The following TTLL9 variants were observed in gnomAD, a reference collection of about 807,000 sequenced individuals.
The protein encoded by TTLL9 is tubulin tyrosine ligase like 9.
A neutral mutation model predicts 65.6 loss-of-function variants in TTLL9; 47 were observed. That is an observed-to-expected ratio of 0.72 (90% confidence interval 0.57 to 0.91). The LOEUF (loss-of-function observed/expected upper bound fraction) is 0.91, where lower values mean the gene tolerates loss of function less well. Among genes scored for constraint, TTLL9 ranks in the 40% least tolerant of loss-of-function variants. The pLI, the probability that TTLL9 is intolerant of heterozygous loss-of-function variation, is 0.00. For synonymous variants in TTLL9, 179 were observed against 204.8 expected (o/e 0.87, Z 1.07); for missense variants, 537 against 568.8 (o/e 0.94, Z 0.57).
chr20:31,896,613 T>A (rs1465579210), intron 3 of TTLL9, among the ~76,000 whole-genome samples: 1 of 152,060 alleles, frequency 6.6e-6, no homozygotes, highest in Non-Finnish European at 1.5e-5. Context: ...CACTGCAACC[T>A]CTGCCTCCCC....
intron 4 of TTLL9, among the ~76,000 whole-genome samples, chr20:31,905,771 C>T (rs1381393169): frequency 1.7e-4 from 26 of 152,218 alleles, no homozygotes; most frequent in African/African-American, 4.8e-4. Flanking sequence ...CGGTGGCTCA[C>T]GCCTATAATC....
intron 3 of TTLL9, among the ~76,000 whole-genome samples, chr20:31,896,116 A>G (rs76279400): frequency 0.087 from 13,308 of 152,228 alleles, 791 homozygotes; most frequent in African/African-American, 0.16. Flanking sequence ...CTATGATTAC[A>G]GGCATGAGCC....
chr20:31,919,022 G>A (rs2063777441), intron 6 of TTLL9, among the ~76,000 whole-genome samples: 1 of 152,206 alleles, frequency 6.6e-6, no homozygotes, highest in Non-Finnish European at 1.5e-5. Flanking sequence ...GCTCAGAGGA[G>A]AACAGAAGGA....
At chr20:31,922,909 A>G (rs992294949) in intron 7 of TTLL9, 54 bp from the exon 8 acceptor site, 8 of 1,456,284 alleles carry the variant, frequency 5.5e-6, no homozygotes, top group African/African-American at 1.4e-5. Flanking sequence ...AATACCTAGT[A>G]CACAGGAAAT....
intron 6 of TTLL9, among the ~76,000 whole-genome samples, chr20:31,915,882 C>T (rs928536418): frequency 3.9e-5 from 6 of 152,018 alleles, no homozygotes; most frequent in Non-Finnish European, 5.9e-5. Flanking sequence ...GCTCGTATTC[C>T]GGTTATCTAT....
In TTLL9 at chr20:31,899,865, C is replaced by T. The variant is rs187945405; in HGVS notation, c.206+1300C>T. 5.9e-5 allele frequency among the ~76,000 whole-genome samples: 9 copies of T among 152,000 alleles called. No individual in the cohort carries two copies. The East Asian group carries it at 1.8e-3, about 30-fold the overall frequency. On this transcript the variant is annotated intron_variant, in intron 4 of 14. Coordinates refer to ENST00000535842, the MANE Select transcript of TTLL9 (RefSeq NM_001008409.5). ...CTGCAAGCTCCACCTCCCAGGTTCA[C>T]GCCATTCTCCTGCCTCAGCCTCCCG... is the stretch of plus-strand genomic sequence containing the variant.
At position 31,937,601 on chromosome 20, in the gene TTLL9, A is replaced by C. The variant is rs1418323177; in HGVS notation, c.1118+92A>C. ...GGGGAGCTTAGAACCTTGGGGCCTG[A>C]GTGGCCCTCAGCGATGGCTCTGGCC... On this transcript the variant is annotated intron_variant, in intron 13 of 14. Transcript: ENST00000535842. 4.1e-6 allele frequency: 4 copies of C among 980,420 alleles called. No individual in the cohort carries two copies. In the East Asian group the frequency reaches 1.1e-4, roughly 26 times the overall value. 60.7% of individuals were successfully genotyped at this position (980,420 alleles called of 1,614,324 possible).
At chr20:31,921,682 A>G (rs560209943) in intron 7 of TTLL9, among the ~76,000 whole-genome samples, 41 of 152,346 alleles carry the variant, frequency 2.7e-4, no homozygotes, top group Admixed American at 8.5e-4. Context: ...AGGGACATGG[A>G]TGAAGCTGGA....
At chr20:31,912,460 C>A (rs2063669785) in intron 6 of TTLL9, among the ~76,000 whole-genome samples, 1 of 152,144 alleles carries the variant, frequency 6.6e-6, no homozygotes, top group Admixed American at 6.5e-5. Flanking sequence ...AGAGCTTGTT[C>A]AAGCATCCCA....
intron 6 of TTLL9, among the ~76,000 whole-genome samples, chr20:31,912,590 T>C (rs951217285): frequency 1.4e-5 from 2 of 144,774 alleles, no homozygotes; most frequent in Non-Finnish European, 3.0e-5. Flanking sequence ...TGTGTGTGTG[T>C]GCGTGTATGT....
intron 3 of TTLL9, among the ~76,000 whole-genome samples, chr20:31,896,079 T>G (rs1375235504): frequency 6.6e-6 from 1 of 151,628 alleles, no homozygotes; most frequent in Non-Finnish European, 1.5e-5. Context: ...ATCTCAGGTG[T>G]TCTGCCTGCC....
At chr20:31,891,100 T>C (rs2063302025) in intron 3 of TTLL9, among the ~76,000 whole-genome samples, 1 of 152,254 alleles carries the variant, frequency 6.6e-6, no homozygotes, top group Admixed American at 6.5e-5. Flanking sequence ...TTGCTGAGTT[T>C]AGGGTACGTG....
chr20:31,927,904 C>T (rs532047538), intron 10 of TTLL9, among the ~76,000 whole-genome samples: 4 of 152,308 alleles, frequency 2.6e-5, no homozygotes, highest in Admixed American at 1.3e-4. Context: ...TGTGAAACTG[C>T]GATTAGACCT....
intron 4 of TTLL9, among the ~76,000 whole-genome samples, chr20:31,906,722 T>C (rs1332134470): frequency 1.3e-5 from 2 of 152,076 alleles, no homozygotes; most frequent in African/African-American, 4.8e-5. Flanking sequence ...TGATCTTGGC[T>C]CACCACAACC....
At position 31,937,411 on chromosome 20, in the gene TTLL9, C is replaced by A. The variant is rs1229327555; in HGVS notation, c.1020C>A (p.Val340=). The A allele has an allele frequency of 6.2e-7, 1 of 1,613,704 alleles. No homozygotes were observed. The highest frequency in any genetic ancestry group is 1.1e-5 in the South Asian group (1 of 91,042). Residue 340 remains valine (V), a synonymous_variant, in exon 13 of 15, where the codon GTC becomes GTA. Coordinates refer to ENST00000535842, the MANE Select transcript of TTLL9 (RefSeq NM_001008409.5). ...DQDLKPWLLE[V]NASPSLTASS... is the part of the protein sequence containing the mutation. The stretch of plus-strand genomic sequence containing the variant: ...CCCTTCCCAGGTGGCTCCTGGAGGT[C>A]AATGCGTCCCCATCACTGACAGCCA...
chr20:31,943,063 C>G lies in TTLL9; in HGVS notation c.*42C>G. The G allele has an allele frequency of 1.3e-6, 2 of 1,571,172 alleles. No individual in the cohort carries two copies. Among genetic ancestry groups the G allele is most frequent in the Middle Eastern group, 1.7e-4 (1 of 5,882 alleles). On this transcript the variant is annotated 3_prime_UTR_variant, in exon 15 of 15. Coordinates refer to ENST00000535842, the MANE Select transcript of TTLL9 (RefSeq NM_001008409.5). ...GGAAATCAGCCTTAGCAGGTGCCAC[C>G]CAGGCCTCCCCCCCACTCCCAGATC...
chr20:31,940,038 A>C (rs1168948229), intron 14 of TTLL9: 1 of 151,514 alleles, frequency 6.6e-6, no homozygotes. Flanking sequence ...TTTTTTTTTT[A>C]CTTTTATAAA....
intron 2 of TTLL9, 104 bp from the exon 3 acceptor site, chr20:31,887,092 T>C (rs1027692708): frequency 8.4e-7 from 1 of 1,185,738 alleles, no homozygotes; most frequent in African/African-American, 1.5e-5. Context: ...CTAGGCATTG[T>C]TGAGTCTGAC....
intron 2 of TTLL9, among the ~76,000 whole-genome samples, chr20:31,875,047 T>G (rs1020795019): frequency 6.6e-6 from 1 of 152,214 alleles, no homozygotes; most frequent in African/African-American, 2.4e-5. Flanking sequence ...TTTAAGTCAC[T>G]TTGTTTGTTG....
Sources: allele counts gnomAD v4.1 joint callset (sites outside exome capture counted in the v4.1 genomes callset), GRCh38; gene constraint gnomAD v4.1.1; transcripts MANE v1.5; gene names NCBI Gene and HGNC (gene_info 2026-07-23, HGNC 2026-07-21).